The following ERBB4 variants were observed in gnomAD, a reference collection of about 807,000 sequenced individuals.
ERBB4 encodes erb-b2 receptor tyrosine kinase 4, also known as receptor tyrosine-protein kinase erbB-4.
Under a neutral mutation model 158.0 loss-of-function variants are expected in ERBB4, and 42 were observed. That is an observed-to-expected ratio of 0.27 (90% CI 0.21 to 0.34). The LOEUF is 0.34. ERBB4 is among the 10% of genes least tolerant of loss of function. The pLI is 1.00. For missense variants in ERBB4, 1,333 were observed against 1,624.1 expected, an observed-to-expected ratio of 0.82 and a Z score of 3.08; for synonymous variants, 583 against 558.7, an observed-to-expected ratio of 1.04 and a Z score of -0.61.
chr2:212,177,777 G>A (rs1280172653), intron 1 of ERBB4, among the ~76,000 whole-genome samples: 7 of 151,894 alleles, frequency 4.6e-5, no homozygotes, highest in Non-Finnish European at 1.0e-4. Flanking sequence ...ATCCATATTA[G>A]TTACACTAAT....
chr2:212,170,223 G>T (rs1400078461), intron 1 of ERBB4, among the ~76,000 whole-genome samples: 2 of 152,130 alleles, frequency 1.3e-5, no homozygotes, highest in African/African-American at 4.8e-5. Flanking sequence ...TGGAGATGAG[G>T]AATTTATTGG....
At chr2:211,937,095 G>A (rs1480651411) in intron 3 of ERBB4, among the ~76,000 whole-genome samples, 1 of 152,056 alleles carries the variant, frequency 6.6e-6, no homozygotes, top group East Asian at 1.9e-4. Context: ...TACAGTTTTG[G>A]ATCTAATATC....
chr2:211,886,255 C>A (rs1355149714), intron 3 of ERBB4, among the ~76,000 whole-genome samples: 1 of 152,160 alleles, frequency 6.6e-6, no homozygotes, highest in East Asian at 1.9e-4. Context: ...AAATTGCAAA[C>A]TCCATCCAAC....
chr2:212,235,489 G>T (rs1489938477), intron 1 of ERBB4, among the ~76,000 whole-genome samples: 3 of 152,026 alleles, frequency 2.0e-5, no homozygotes, highest in Non-Finnish European at 2.9e-5. Flanking sequence ...AAAGTAGTTG[G>T]TTTTAATTCT....
intron 2 of ERBB4, among the ~76,000 whole-genome samples, chr2:211,982,031 AT>A (rs2081813349): frequency 6.6e-6 from 1 of 152,054 alleles, no homozygotes; most frequent in Non-Finnish European, 1.5e-5. Flanking sequence ...TATTGATATA[AT>A]TTTTAAAATA....
chr2:212,299,214 C>T (rs2086530394), intron 1 of ERBB4, among the ~76,000 whole-genome samples: 1 of 151,648 alleles, frequency 6.6e-6, no homozygotes, highest in Non-Finnish European at 1.5e-5. Context: ...TACACTGCTT[C>T]CCTACATTAT....
chr2:211,976,084 A>C (rs2125216662), intron 2 of ERBB4, among the ~76,000 whole-genome samples: 1 of 152,158 alleles, frequency 6.6e-6, no homozygotes, highest in East Asian at 1.9e-4. Flanking sequence ...GAGAAGTTTT[A>C]TTTTCTTCTA....
chr2:212,108,596 T>C (rs1317450632), intron 2 of ERBB4, among the ~76,000 whole-genome samples: 1 of 151,184 alleles, frequency 6.6e-6, no homozygotes, highest in Non-Finnish European at 1.5e-5. Flanking sequence ...AATAAACTTA[T>C]AAAGGAAAAT....
intron 1 of ERBB4, among the ~76,000 whole-genome samples, chr2:212,529,320 T>C (rs572548588): frequency 3.9e-5 from 6 of 152,284 alleles, no homozygotes; most frequent in African/African-American, 1.4e-4. Flanking sequence ...AAAAGTGGTA[T>C]CCACATTCCA....
Position 211,619,319 on chromosome 2 carries a change from T to C in ERBB4, c.2203-44A>G, listed in dbSNP as rs369095695. Reference sequence around the variant, plus strand: ...ACATTAAATATGACATCTCAACCTATTAAGTTCTTACAAAGTAACTTAGAA... The same window carrying C: ...ACATTAAATATGACATCTCAACCTACTAAGTTCTTACAAAGTAACTTAGAA... On this transcript the variant is annotated intron_variant, in intron 18 of 27. Coordinates refer to ENST00000342788, the MANE Select transcript of ERBB4 (RefSeq NM_005235.3). The C allele has an allele frequency of 5.6e-6, 6 of 1,076,554 alleles. No individual in the cohort carries two copies. In the East Asian group the frequency reaches 1.2e-4, roughly 21 times the overall value. The allele number at this position is 1,076,554 out of a possible 1,614,324, so 66.7% of individuals were successfully genotyped here.
intron 1 of ERBB4, among the ~76,000 whole-genome samples, chr2:212,340,986 C>T (rs2088682530): frequency 6.6e-6 from 1 of 152,076 alleles, no homozygotes; most frequent in African/African-American, 2.4e-5. Flanking sequence ...ATGTAGGGCT[C>T]TTTGCTTTAT....
intron 1 of ERBB4, among the ~76,000 whole-genome samples, chr2:212,163,528 T>C (rs915302686): frequency 6.6e-6 from 1 of 152,020 alleles, no homozygotes; most frequent in African/African-American, 2.4e-5. Flanking sequence ...GTAATGAGAA[T>C]TCTATTGATT....
chr2:212,409,372 G>A (rs2106482769), intron 1 of ERBB4, among the ~76,000 whole-genome samples: 1 of 152,190 alleles, frequency 6.6e-6, no homozygotes, highest in East Asian at 1.9e-4. Flanking sequence ...TTTTATATGA[G>A]AAGTCTTCAA....
chr2:212,099,619 T>C (rs2079026477), intron 2 of ERBB4, among the ~76,000 whole-genome samples: 1 of 152,206 alleles, frequency 6.6e-6, no homozygotes, highest in African/African-American at 2.4e-5. Context: ...ACAAACATAT[T>C]GGTCTTGCTT....
chr2:211,555,661 C>A (rs535980602), intron 20 of ERBB4, among the ~76,000 whole-genome samples: 3 of 152,264 alleles, frequency 2.0e-5, no homozygotes, highest in African/African-American at 7.2e-5. Context: ...AGATTCAGGA[C>A]CAACATTCAA....
At chr2:211,973,745 G>T (rs1388134433) in intron 2 of ERBB4, among the ~76,000 whole-genome samples, 1 of 152,042 alleles carries the variant, frequency 6.6e-6, no homozygotes, top group Non-Finnish European at 1.5e-5. Flanking sequence ...ATACCCAAAG[G>T]AATATAAATC....
intron 1 of ERBB4, among the ~76,000 whole-genome samples, chr2:212,252,937 A>G (rs561535972): frequency 3.3e-5 from 5 of 152,288 alleles, no homozygotes; most frequent in African/African-American, 1.2e-4. Flanking sequence ...CAAAAGATAC[A>G]TTACAATGAG....
At chr2:211,839,990 A>G (rs1016902326) in intron 3 of ERBB4, among the ~76,000 whole-genome samples, 2 of 152,150 alleles carry the variant, frequency 1.3e-5, no homozygotes, top group East Asian at 1.9e-4. Flanking sequence ...GTCCTGTTAC[A>G]TGGACAGGAT....
In ERBB4 at chr2:212,343,822, G is replaced by T. The variant is rs1217501061; in HGVS notation, c.82+194627C>A. Among the ~76,000 whole-genome samples the T allele has an allele frequency of 2.6e-5, 4 of 152,020 alleles. No homozygotes were observed. The South Asian group carries it at 8.3e-4, about 32-fold the overall frequency. Reference sequence around the variant, plus strand: ...TTAATTTTATGTGTTAATTTTTCATGTTTATCTCATATTTTATTTTTCTAG... The same window carrying T: ...TTAATTTTATGTGTTAATTTTTCATTTTTATCTCATATTTTATTTTTCTAG... On this transcript the variant is annotated intron_variant, in intron 1 of 27. Transcript: ENST00000342788.
Sources: gnomAD v4.1 joint callset for allele counts (sites outside exome capture counted in the v4.1 genomes callset) on GRCh38, gnomAD v4.1.1 for gene constraint, MANE v1.5 for transcripts, NCBI Gene and HGNC (gene_info 2026-07-23, HGNC 2026-07-21) for gene names.